JAG2: variants seen among roughly 807,000 people sequenced by gnomAD.
JAG2 encodes the protein protein jagged-2.
A neutral mutation model predicts 141.7 loss-of-function variants in JAG2; 46 were observed. The observed-to-expected ratio is 0.32, with a 90% CI of 0.26 to 0.42. JAG2 has a LOEUF of 0.42. Ranked by LOEUF, JAG2 falls within the 10% of genes least tolerant of loss-of-function variation. The pLI is 1.00. For missense variants in JAG2, 1,500 were observed against 1,817.5 expected, an observed-to-expected ratio of 0.83 and a Z score of 3.18; for synonymous variants, 862 against 763.5, an observed-to-expected ratio of 1.13 and a Z score of -2.13.
chr14:105,158,235 C>T (rs1049215773), intron 2 of JAG2, among the ~76,000 whole-genome samples: 5 of 152,092 alleles, frequency 3.3e-5, no homozygotes, highest in East Asian at 1.9e-4. Flanking sequence ...ACCACGCTGG[C>T]GGCCTCCACC....
At chr14:105,155,503 C>G (rs376171418) in intron 5 of JAG2, 59 bp downstream of exon 5, 7 of 1,579,386 alleles carry the variant, frequency 4.4e-6, no homozygotes, top group Admixed American at 3.3e-5. Flanking sequence ...GCTGTGTGTG[C>G]CAGTGAGGAC....
chr14:105,149,112 G>A (rs971367671), intron 13 of JAG2, 23 bp from the exon 14 acceptor site: 3 of 1,601,644 alleles, frequency 1.9e-6, no homozygotes, highest in Non-Finnish European at 2.6e-6. Flanking sequence ...GTACAGTCAG[G>A]AGTCAGGCCC....
At position 105,145,818 on chromosome 14, in the gene JAG2, C is replaced by T. The variant is rs1384878053; in HGVS notation, c.2865G>A (p.Pro955=). The T allele has an allele frequency of 3.2e-6, 5 of 1,566,614 alleles. No individual in the cohort carries two copies. The highest frequency in any genetic ancestry group is 2.4e-5 in the East Asian group (1 of 41,750). ...CGGAGCGTGGCAGGCAGGGGGTGCT[C>T]GGTGGCTCTTCTGCGCCGCACTCCC... The part of the protein sequence containing the change: ...AWGECGAEEP[P]STPCLPRSGH... The change falls in exon 23 of 26, where the codon CCG becomes CCA. Residue 955 remains proline, a synonymous_variant. Transcript: ENST00000331782.
rs1345528947 is a variant in JAG2 at position 105,141,086 on chromosome 14, G to A, written c.*1609C>T. 3 of 151,782 alleles carry A rather than the reference G, an allele frequency of 2.0e-5. No homozygotes were observed. The highest frequency in any genetic ancestry group is 2.9e-5 in the Non-Finnish European group (2 of 67,972). The allele number at this position is 151,782 out of a possible 1,614,324, so 9.4% of individuals were successfully genotyped here. ...CAGCAGGACTTTTTTTTTCTCTTTTGTACAGATCTGGTTCTTGGCTTTGCT... is the reference window on the plus strand; with the variant it reads ...CAGCAGGACTTTTTTTTTCTCTTTTATACAGATCTGGTTCTTGGCTTTGCT... On this transcript the variant is annotated 3_prime_UTR_variant, in exon 26 of 26. Coordinates refer to ENST00000331782, the MANE Select transcript of JAG2 (RefSeq NM_002226.5).
chr14:105,160,559 G>A (rs587709609), intron 2 of JAG2, among the ~76,000 whole-genome samples: 329 of 152,120 alleles, frequency 2.2e-3, no homozygotes, highest in African/African-American at 7.6e-3. Context: ...GGCAGGGGCT[G>A]TTGTTCCAAT....
chr14:105,165,159 G>A lies in JAG2; in HGVS notation c.417+2598C>T, dbSNP rs1254285042. On this transcript the variant is annotated intron_variant, in intron 2 of 25. Transcript: ENST00000331782. Reference sequence around the variant, plus strand: ...CACGACTTCCAGCTGCACCTCTGAGGGTGGGGCCCTGGCTGCCCAGGTCAC... The same window carrying A: ...CACGACTTCCAGCTGCACCTCTGAGAGTGGGGCCCTGGCTGCCCAGGTCAC... Among the ~76,000 whole-genome samples the A allele has an allele frequency of 5.9e-5, 9 of 152,094 alleles. No individual in the cohort carries two copies. In the South Asian group the frequency reaches 1.0e-3, roughly 18 times the overall value.
chr14:105,168,383 A>C lies in JAG2; in HGVS notation c.38T>G (p.Leu13Arg). The change falls in exon 1 of 26, where the codon CTG becomes CGG. Residue 13 changes from leucine to arginine, a missense_variant. Leu to Arg is a moderately radical substitution (Grantham distance 102, BLOSUM62 -2). Transcript: ENST00000331782. ...AQGRGRLPRR[L>R]LLLLALWVQA... ...CACCCAGAGCGCCAGCAGCAGCAGC[A>C]GCCGCCGGGGAAGGCGCCCCCGGCC... 4.9e-6 allele frequency: 5 copies of C among 1,019,322 alleles called. No homozygotes were observed. The highest frequency in any genetic ancestry group is 4.8e-6 in the Non-Finnish European group (4 of 829,776). 63.1% of individuals were successfully genotyped at this position (1,019,322 alleles called of 1,614,324 possible).
At chr14:105,168,238 G>A (rs1297423088) in intron 1 of JAG2, 117 bp downstream of exon 1, 1 of 726,250 alleles carries the variant, frequency 1.4e-6, no homozygotes, top group Non-Finnish European at 1.7e-6. Flanking sequence ...CCCAGCCGCC[G>A]CGCGCAGCCT....
intron 24 of JAG2, 135 bp downstream of exon 24, chr14:105,144,795 C>A: frequency 8.5e-7 from 1 of 1,179,298 alleles, no homozygotes. Context: ...AGCGAGGGGC[C>A]GCAGGGAGAC....
Position 105,155,993 on chromosome 14 carries a change from G to A in JAG2, c.476-4C>T, listed in dbSNP as rs1264578873. On this transcript the variant is annotated splice_polypyrimidine_tract_variant and splice_region_variant and intron_variant, in intron 3 of 25. Coordinates refer to ENST00000331782, the MANE Select transcript of JAG2 (RefSeq NM_002226.5). The stretch of plus-strand genomic sequence containing the variant: ...ACTCGCTCGATCAGCAGCTCCTCTT[G>A]GGGAGGCGGCAGAGTCAGCACAGGC... 1 of 1,602,234 alleles carries A rather than the reference G, an allele frequency of 6.2e-7. No individual in the cohort carries two copies. The highest frequency in any genetic ancestry group is 8.5e-7 in the Non-Finnish European group (1 of 1,179,092).
rs777344172 is a variant in JAG2, at chr14:105,148,942, T to C, written c.1901A>G (p.His634Arg). The C allele has an allele frequency of 6.2e-6, 10 of 1,606,014 alleles. No homozygotes were observed. The highest frequency in any genetic ancestry group is 2.2e-5 in the East Asian group (1 of 44,592). The change falls in exon 14 of 26, where the codon CAT becomes CGT. Residue 634 changes from histidine (H) to arginine (R), a missense_variant. By Grantham distance (29) the His-to-Arg change is conservative (BLOSUM62 0). This residue lies in a region of JAG2 where 875 missense variants were observed against 1,202.2 expected (regional missense o/e 0.73). Coordinates refer to ENST00000331782, the MANE Select transcript of JAG2 (RefSeq NM_002226.5). The part of the protein sequence containing the change: ...CDSGFTGTYC[H>R]ENIDDCLGQP... ...CGCCGTTCGTGGCCACTCACTCTCATGGCAGTAGGTGCCAGTAAAGCCACT... is the reference window on the plus strand; with the variant it reads ...CGCCGTTCGTGGCCACTCACTCTCACGGCAGTAGGTGCCAGTAAAGCCACT...
rs749257698 is a variant in JAG2, at chr14:105,151,379, A to C, written c.1171T>G (p.Ser391Ala). The C allele has an allele frequency of 6.2e-7, 1 of 1,611,420 alleles. No homozygotes were observed. The highest frequency in any genetic ancestry group is 1.1e-5 in the South Asian group (1 of 91,072). ...GTGCCACCGGCCGCACACGGGTTCG[A>C]AGCACACTCATCGATGTCTGCAGAG... ...TCALDIDECA[S>A]NPCAAGGTCV... Residue 391 changes from serine to alanine, a missense_variant, in exon 9 of 26, where the codon TCG (serine) becomes GCG (alanine). Coordinates refer to ENST00000331782, the MANE Select transcript of JAG2 (RefSeq NM_002226.5).
At chr14:105,148,702 G>A in intron 15 of JAG2, 43 bp downstream of exon 15, 1 of 1,480,906 alleles carries the variant, frequency 6.8e-7, no homozygotes, top group Non-Finnish European at 9.2e-7. Context: ...GGGCCCACAG[G>A]GGTGGAGGCA....
At position 105,151,087 on chromosome 14, in the gene JAG2, C is replaced by T. The variant is rs775949901; in HGVS notation, c.1285G>A (p.Gly429Arg). The T allele has an allele frequency of 1.2e-6, 2 of 1,612,348 alleles. No individual in the cohort carries two copies. The highest frequency in any genetic ancestry group is 1.1e-5 in the South Asian group (1 of 90,770). Reference protein sequence around the residue: ...TCQLDANECEGKPCLNAFSCK... With the variant: ...TCQLDANECERKPCLNAFSCK... The stretch of plus-strand genomic sequence containing the variant: ...GAAAAAGCGTTAAGGCATGGCTTCC[C>T]TTCACACTCATTGGCGTCTGTGAAA... Residue 429 changes from glycine to arginine, a missense_variant, in exon 10 of 26, where the codon GGG becomes AGG. By Grantham distance (125) the Gly-to-Arg change is moderately radical. This residue lies in a region of JAG2 where 875 missense variants were observed against 1,202.2 expected (regional missense o/e 0.73). Transcript: ENST00000331782.
chr14:105,149,434 C>T (rs1888343747), intron 12 of JAG2, 114 bp from the exon 13 acceptor site: 1 of 1,352,464 alleles, frequency 7.4e-7, no homozygotes, highest in African/African-American at 1.4e-5. Flanking sequence ...CCCCTCCGCC[C>T]TGGGCCTAAC....
intron 8 of JAG2, 66 bp downstream of exon 8, chr14:105,151,560 G>T: frequency 7.1e-7 from 1 of 1,410,572 alleles, no homozygotes. Flanking sequence ...TCCCCAGCGA[G>T]TTGCCCCACT....
chr14:105,167,852 C>T lies in JAG2; in HGVS notation c.322G>A (p.Ala108Thr). Reference protein sequence around the residue: ...LGGNSFYLPPAGAAGDRARAR... With the variant: ...LGGNSFYLPPTGAAGDRARAR... ...CGCGCTCGGTCCCCCGCAGCGCCCG[C>T]CGGCGGCAGGTAGAAGGAGTTGCCG... The change falls in exon 2 of 26, where the codon GCG becomes ACG. Residue 108 changes from alanine to threonine, a missense_variant. By Grantham distance (58) the Ala-to-Thr change is moderately conservative. Coordinates refer to ENST00000331782, the MANE Select transcript of JAG2 (RefSeq NM_002226.5). The surrounding 1 kb of genome is among the most constrained non-coding windows in gnomAD (Gnocchi z 4.8). 6.5e-7 allele frequency: 1 copy of T among 1,532,568 alleles called. No homozygotes were observed. Among genetic ancestry groups the T allele is most frequent in the Non-Finnish European group, 8.7e-7 (1 of 1,148,894 alleles). 94.9% of individuals were successfully genotyped at this position (1,532,568 alleles called of 1,614,324 possible). A position where few individuals can be genotyped will look rare whatever the true frequency, so the allele number is the denominator to read the frequency against.
chr14:105,149,424 C>A, intron 12 of JAG2, 104 bp from the exon 13 acceptor site: 2 of 1,421,524 alleles, frequency 1.4e-6, no homozygotes, highest in African/African-American at 2.8e-5. Context: ...GACCCCCAGG[C>A]CCCTCCGCCC....
In JAG2 at chr14:105,149,089, A is replaced by C. The variant is rs755527510; in HGVS notation, c.1754T>G (p.Val585Gly). 3 of 1,607,930 alleles carry C rather than the reference A, an allele frequency of 1.9e-6. No homozygotes were observed. The South Asian group carries it at 3.3e-5, about 18-fold the overall frequency. The change falls in exon 14 of 26, where the codon GTG becomes GGG. Residue 585 changes from valine to glycine, a missense_variant and splice_region_variant. Transcript: ENST00000331782. ...REPCPGGACR[V>G]IDGCGSDAGP... ...CGCGTCTGACCCGCAGCCATCGATC[A>C]CTATGGCAGGCAGTACAGTCAGGAG...
Sources: allele counts gnomAD v4.1 joint callset (sites outside exome capture counted in the v4.1 genomes callset), GRCh38; gene constraint gnomAD v4.1.1; regional missense constraint gnomAD v4.1.1; non-coding constraint Gnocchi (gnomAD v3.1); transcripts MANE v1.5; gene names NCBI Gene and HGNC (gene_info 2026-07-23, HGNC 2026-07-21).